Variants in NKAIN3 observed in about 807,000 individuals in gnomAD.
The protein encoded by NKAIN3 is sodium/potassium-transporting ATPase subunit beta-1-interacting protein 3.
A neutral mutation model predicts 30.2 loss-of-function variants in NKAIN3; 25 were observed. The ratio of observed to expected loss-of-function variants is 0.83; its 90% CI spans 0.60 to 1.16. The LOEUF is 1.16. NKAIN3 is among the 50% of genes most tolerant of loss of function. The pLI, the probability that NKAIN3 is intolerant of heterozygous loss-of-function variation, is 0.00. For missense variants in NKAIN3, 225 were observed against 254.1 expected (o/e 0.89, Z 0.78); for synonymous variants, 91 against 89.6 (o/e 1.02, Z -0.09).
chr8:62,896,074 G>A (rs1821419581), intron 4 of NKAIN3, among the ~76,000 whole-genome samples: 1 of 151,998 alleles, frequency 6.6e-6, no homozygotes, highest in South Asian at 2.1e-4. Flanking sequence ...CATAGACTGA[G>A]TGGCTTAAAC....
chr8:62,299,827 C>T (rs1470527595), intron 1 of NKAIN3, among the ~76,000 whole-genome samples: 2 of 151,974 alleles, frequency 1.3e-5, no homozygotes, highest in Admixed American at 6.6e-5. Context: ...ATTTTTATTG[C>T]TTTTGTCACC....
chr8:62,381,769 T>C (rs979723938), intron 1 of NKAIN3, among the ~76,000 whole-genome samples: 3 of 152,184 alleles, frequency 2.0e-5, no homozygotes, highest in African/African-American at 7.2e-5. Context: ...AGTTGGTTAA[T>C]ATCAATGACT....
intron 3 of NKAIN3, among the ~76,000 whole-genome samples, chr8:62,667,241 T>A (rs1422557869): frequency 6.7e-6 from 1 of 150,108 alleles, no homozygotes; most frequent in Admixed American, 6.6e-5. Context: ...GGCACATGTA[T>A]ACATATGTAA....
intron 1 of NKAIN3, among the ~76,000 whole-genome samples, chr8:62,290,822 C>G (rs74669333): frequency 1.3e-5 from 2 of 152,110 alleles, no homozygotes; most frequent in Admixed American, 6.6e-5. Flanking sequence ...GGTACCAGCT[C>G]CTCTTTGTAC....
At chr8:62,578,647 G>A (rs563579757) in intron 1 of NKAIN3, among the ~76,000 whole-genome samples, 2 of 117,130 alleles carry the variant, frequency 1.7e-5, no homozygotes, top group Non-Finnish European at 4.0e-5. Flanking sequence ...TAGGTAGAAG[G>A]TTTTTTTTGT....
intron 1 of NKAIN3, among the ~76,000 whole-genome samples, chr8:62,290,006 T>G (rs939465313): frequency 1.3e-5 from 2 of 152,216 alleles, no homozygotes; most frequent in Non-Finnish European, 2.9e-5. Context: ...TTGAAGTGAT[T>G]GTGAATGGGA....
At chr8:62,369,705 C>A (rs1816847035) in intron 1 of NKAIN3, among the ~76,000 whole-genome samples, 1 of 151,728 alleles carries the variant, frequency 6.6e-6, no homozygotes, top group East Asian at 1.9e-4. Flanking sequence ...TTTCCTCATG[C>A]ATGTTTTCAA....
intron 1 of NKAIN3, among the ~76,000 whole-genome samples, chr8:62,382,648 C>T (rs2129594036): frequency 6.6e-6 from 1 of 152,206 alleles, no homozygotes; most frequent in Middle Eastern, 3.4e-3. Context: ...TCCAATTTGT[C>T]TAATGTCAAT....
chr8:62,760,276 G>T (rs1488986353), intron 4 of NKAIN3, among the ~76,000 whole-genome samples: 1 of 152,112 alleles, frequency 6.6e-6, no homozygotes, highest in East Asian at 1.9e-4. Flanking sequence ...CCATTACTGG[G>T]TATATACCCA....
At chr8:62,894,718 G>C (rs1043194294) in intron 4 of NKAIN3, among the ~76,000 whole-genome samples, 1 of 152,142 alleles carries the variant, frequency 6.6e-6, no homozygotes, top group Non-Finnish European at 1.5e-5. Flanking sequence ...TCACTTAGAA[G>C]GTATAGATTT....
chr8:62,721,677 A>G (rs1815097594), intron 3 of NKAIN3, among the ~76,000 whole-genome samples: 2 of 152,214 alleles, frequency 1.3e-5, no homozygotes, highest in Admixed American at 1.3e-4. Flanking sequence ...ATATGCATTC[A>G]TTCTTAGAGA....
intron 1 of NKAIN3, among the ~76,000 whole-genome samples, chr8:62,271,743 T>C (rs1280924610): frequency 6.6e-6 from 1 of 152,230 alleles, no homozygotes; most frequent in Non-Finnish European, 1.5e-5. Flanking sequence ...CAGTCACTTT[T>C]GTCAGTGAAG....
chr8:62,880,728 T>C (rs142064532), intron 4 of NKAIN3, among the ~76,000 whole-genome samples: 147 of 152,344 alleles, frequency 9.6e-4, no homozygotes, highest in African/African-American at 3.3e-3. Context: ...CTATGGGGAC[T>C]CCAGATAGAA....
Position 62,345,583 on chromosome 8 carries a change from A to G in NKAIN3, c.54+96456A>G, listed in dbSNP as rs186117035. ...TATACACATATATACACATATATGT[A>G]TATACACACATATATACACATATAT... On this transcript the variant is annotated intron_variant, in intron 1 of 6. Transcript: ENST00000623646. Among the ~76,000 whole-genome samples the G allele has an allele frequency of 2.0e-5, 3 of 147,578 alleles. No individual in the cohort carries two copies. In the Admixed American group the frequency reaches 2.1e-4, roughly 10 times the overall value.
chr8:62,336,649 G>A (rs1486633634), intron 1 of NKAIN3, among the ~76,000 whole-genome samples: 5 of 151,936 alleles, frequency 3.3e-5, no homozygotes, highest in Non-Finnish European at 5.9e-5. Context: ...ATTTTGTCCC[G>A]GTTTTCTACT....
intron 1 of NKAIN3, among the ~76,000 whole-genome samples, chr8:62,295,896 A>G (rs1813812095): frequency 6.6e-6 from 1 of 152,210 alleles, no homozygotes; most frequent in South Asian, 2.1e-4. Context: ...AGACAGACAA[A>G]TCTGTGCCTT....
At chr8:62,721,829 G>C (rs1174370609) in intron 3 of NKAIN3, among the ~76,000 whole-genome samples, 2 of 152,124 alleles carry the variant, frequency 1.3e-5, no homozygotes, top group African/African-American at 4.8e-5. Context: ...ATAGACAATG[G>C]TTGTGGCCTC....
At chr8:62,964,758 C>T (rs754457471) in intron 6 of NKAIN3, among the ~76,000 whole-genome samples, 10 of 151,984 alleles carry the variant, frequency 6.6e-5, no homozygotes, top group Non-Finnish European at 1.2e-4. Context: ...CGGCAATCTG[C>T]TTTACTCAAA....
chr8:62,961,005 C>T (rs1012790778), intron 6 of NKAIN3, among the ~76,000 whole-genome samples: 1 of 152,166 alleles, frequency 6.6e-6, no homozygotes, highest in Non-Finnish European at 1.5e-5. Context: ...CCAGGCCGGG[C>T]ATGGTGGCTC....
Sources: gnomAD v4.1 joint callset for allele counts (sites outside exome capture counted in the v4.1 genomes callset) on GRCh38, gnomAD v4.1.1 for gene constraint, MANE v1.5 for transcripts, NCBI Gene and HGNC (gene_info 2026-07-23, HGNC 2026-07-21) for gene names.